The following CNOT4 variants were observed in gnomAD, a reference collection of about 807,000 sequenced individuals.
The protein encoded by CNOT4 is CCR4-associated factor 4.
In CNOT4, 8 loss-of-function variants were observed where a neutral mutation model predicts 73.8. That is an observed-to-expected ratio of 0.11 (90% confidence interval 0.06 to 0.20). The LOEUF is 0.20. CNOT4 is among the 10% of genes least tolerant of loss of function. The probability of loss-of-function intolerance (pLI) is 1.00; values close to 1 mark genes in which losing one functional copy is unlikely to be tolerated. For synonymous variants in CNOT4, 293 were observed against 321.1 expected (o/e 0.91, Z 0.94); for missense variants, 564 against 883.4 (o/e 0.64, Z 4.58).
chr7:135,403,608 A>T (rs965889380), intron 7 of CNOT4, among the ~76,000 whole-genome samples: 1 of 152,164 alleles, frequency 6.6e-6, no homozygotes, highest in African/African-American at 2.4e-5. Context: ...ATTAAAAAAT[A>T]AAAAAATAAA....
intron 1 of CNOT4, among the ~76,000 whole-genome samples, chr7:135,479,418 C>T (rs1455277261): frequency 6.6e-6 from 1 of 151,492 alleles, no homozygotes; most frequent in Non-Finnish European, 1.5e-5. Flanking sequence ...GTTATGTTGG[C>T]TAGGATGGTC....
At chr7:135,407,538 C>T (rs1219689434) in intron 7 of CNOT4, among the ~76,000 whole-genome samples, 2 of 152,178 alleles carry the variant, frequency 1.3e-5, no homozygotes, top group Non-Finnish European at 2.9e-5. Flanking sequence ...CTAGTGCTAC[C>T]AGTCTAACAC....
At chr7:135,467,193 G>A (rs1351193768) in intron 1 of CNOT4, among the ~76,000 whole-genome samples, 1 of 152,106 alleles carries the variant, frequency 6.6e-6, no homozygotes, top group East Asian at 1.9e-4. Context: ...TGTTGCTCAA[G>A]GAAGAAATAT....
rs78129299 is a variant in CNOT4, at chr7:135,435,026, A to G, written c.174+3132T>C. 2.2e-3 allele frequency among the ~76,000 whole-genome samples: 339 copies of G among 152,330 alleles called. 12 individuals carry two copies. In the East Asian group the frequency reaches 0.054, roughly 24 times the overall value. On this transcript the variant is annotated intron_variant, in intron 2 of 11. Coordinates refer to ENST00000541284, the MANE Select transcript of CNOT4 (RefSeq NM_001190850.2). Reference sequence around the variant, plus strand: ...TCTCCTTTCAAAGTTACGTTCCCTCAAAATTTGGGAAAATAAATTTCTCAG... The same window carrying G: ...TCTCCTTTCAAAGTTACGTTCCCTCGAAATTTGGGAAAATAAATTTCTCAG...
chr7:135,418,071 C>T (rs1797968572), intron 3 of CNOT4, among the ~76,000 whole-genome samples: 1 of 152,150 alleles, frequency 6.6e-6, no homozygotes, highest in South Asian at 2.1e-4. Context: ...TGCAGGTACT[C>T]AATAAATGCT....
At chr7:135,481,691 T>C (rs375812945) in intron 1 of CNOT4, among the ~76,000 whole-genome samples, 1 of 152,144 alleles carries the variant, frequency 6.6e-6, no homozygotes, top group East Asian at 1.9e-4. Context: ...AAGAACCAAC[T>C]TAAGTGTCCA....
chr7:135,493,856 G>A (rs117373257), intron 1 of CNOT4, among the ~76,000 whole-genome samples: 1,804 of 152,262 alleles, frequency 0.012, 7 homozygotes, highest in Non-Finnish European at 0.02. Flanking sequence ...AAACTGTAAT[G>A]CACTTGTAAG....
intron 10 of CNOT4, chr7:135,388,680 A>G (rs1341514884): frequency 7.2e-7 from 1 of 1,390,642 alleles, no homozygotes; most frequent in East Asian, 2.6e-5. Context: ...AGGAACGTTT[A>G]TATTGGCTCT....
chr7:135,379,986 C>A (rs1544830), intron 10 of CNOT4, among the ~76,000 whole-genome samples: 150,388 of 152,316 alleles, frequency 0.99, 74,271 homozygotes, highest in Middle Eastern at 1. Context: ...CTATATTAAG[C>A]AACAGTGCTA....
chr7:135,415,579 A>G (rs1024541142), intron 3 of CNOT4, among the ~76,000 whole-genome samples: 6 of 152,144 alleles, frequency 3.9e-5, no homozygotes, highest in Non-Finnish European at 7.3e-5. Flanking sequence ...AACACAAAAC[A>G]GATCAAAGAT....
intron 7 of CNOT4, among the ~76,000 whole-genome samples, chr7:135,400,897 C>A: frequency 6.6e-6 from 1 of 152,140 alleles, no homozygotes; most frequent in Middle Eastern, 3.4e-3. Flanking sequence ...AAATGAAAAG[C>A]TTAAAGAATA....
chr7:135,498,547 ATGTT>A (rs574495055), intron 1 of CNOT4, among the ~76,000 whole-genome samples: 8 of 151,986 alleles, frequency 5.3e-5, no homozygotes, highest in East Asian at 1.9e-4. Context: ...TAAGGTTTTT[ATGTT>A]TGTTTGTTTG....
At chr7:135,495,690 AAAAGAAAGAAAGAAAGAAAG>A (rs796412528) in intron 1 of CNOT4, among the ~76,000 whole-genome samples, 1,908 of 38,638 alleles carry the variant, frequency 0.049, 242 homozygotes, top group South Asian at 0.12. Context: ...AAAAAAAAAA[AAAAGAAAGAAAGAAAGAAAG>A]AAAGAAAGAA....
intron 2 of CNOT4, among the ~76,000 whole-genome samples, chr7:135,425,895 A>C (rs903986963): frequency 3.9e-5 from 6 of 152,170 alleles, no homozygotes; most frequent in African/African-American, 1.4e-4. Flanking sequence ...CAGAATATCA[A>C]TAAACTAATA....
chr7:135,482,293 T>C (rs1802432252), intron 1 of CNOT4, among the ~76,000 whole-genome samples: 1 of 152,182 alleles, frequency 6.6e-6, no homozygotes, highest in African/African-American at 2.4e-5. Flanking sequence ...TGGTGGCTCA[T>C]GCCTGTAATC....
chr7:135,397,328 T>C (rs1163018965), intron 8 of CNOT4, among the ~76,000 whole-genome samples: 1 of 152,146 alleles, frequency 6.6e-6, no homozygotes, highest in Non-Finnish European at 1.5e-5. Flanking sequence ...ATTTTTCAGA[T>C]ACCAATATTT....
intron 7 of CNOT4, among the ~76,000 whole-genome samples, chr7:135,406,567 G>A (rs1797299197): frequency 6.6e-6 from 1 of 152,040 alleles, no homozygotes; most frequent in African/African-American, 2.4e-5. Context: ...AGGCTGAGGT[G>A]GGATGATCGT....
At chr7:135,491,721 A>G (rs1803124606) in intron 1 of CNOT4, among the ~76,000 whole-genome samples, 1 of 152,216 alleles carries the variant, frequency 6.6e-6, no homozygotes, top group Non-Finnish European at 1.5e-5. Flanking sequence ...AGATATTTTT[A>G]TGATGAAAAA....
Position 135,480,005 on chromosome 7 carries a change from A to C in CNOT4, c.-93+29884T>G, listed in dbSNP as rs112768604. ...CAAGTATAAGAAACATTAAAAGTAC[A>C]AACTGGCTTTAAACTACTAACAATC... On this transcript the variant is annotated intron_variant, in intron 1 of 11. Coordinates refer to ENST00000541284, the MANE Select transcript of CNOT4 (RefSeq NM_001190850.2). Among the ~76,000 whole-genome samples, 4 of 152,342 alleles carry C rather than the reference A, an allele frequency of 2.6e-5. 1 individual carries two copies. The highest frequency in any genetic ancestry group is 9.6e-5 in the African/African-American group (4 of 41,586).
Sources: allele counts gnomAD v4.1 joint callset (sites outside exome capture counted in the v4.1 genomes callset), GRCh38; gene constraint gnomAD v4.1.1; transcripts MANE v1.5; gene names NCBI Gene and HGNC (gene_info 2026-07-23, HGNC 2026-07-21).